Variants in MICU1 observed in about 807,000 individuals in gnomAD.
The protein encoded by MICU1 is mitochondrial calcium uptake 1, also known as calcium uptake protein 1, mitochondrial.
Under a neutral mutation model 56.8 loss-of-function variants are expected in MICU1, and 45 were observed. The observed-to-expected ratio is 0.79, with a 90% CI of 0.62 to 1.02. MICU1 has a LOEUF of 1.02. Ranked by LOEUF, MICU1 falls within the 50% of genes least tolerant of loss-of-function variation. The probability of loss-of-function intolerance (pLI) is 0.00; values close to 1 mark genes in which losing one functional copy is unlikely to be tolerated. For synonymous variants in MICU1, 186 were observed against 195.1 expected, an observed-to-expected ratio of 0.95 and a Z score of 0.39; for missense variants, 504 against 587.1, an observed-to-expected ratio of 0.86 and a Z score of 1.46.
chr10:72,603,185 G>C (rs1272706372), intron 1 of MICU1, among the ~76,000 whole-genome samples: 1 of 151,470 alleles, frequency 6.6e-6, no homozygotes, highest in Non-Finnish European at 1.5e-5. Flanking sequence ...TCAGGAGTTC[G>C]AGACCAGCCT....
chr10:72,403,143 C>T (rs7091303), intron 10 of MICU1, among the ~76,000 whole-genome samples: 10,888 of 151,964 alleles, frequency 0.072, 1,336 homozygotes, highest in African/African-American at 0.25. Context: ...TTTGGGAGGC[C>T]GAGGTGGGTG....
At chr10:72,596,838 A>T (rs1159154670) in intron 1 of MICU1, among the ~76,000 whole-genome samples, 1 of 150,258 alleles carries the variant, frequency 6.7e-6, no homozygotes, top group Non-Finnish European at 1.5e-5. Flanking sequence ...GCGCCACTGC[A>T]CTCCAGCCTG....
At chr10:72,485,629 A>C (rs1486066695) in intron 6 of MICU1, among the ~76,000 whole-genome samples, 2 of 152,046 alleles carry the variant, frequency 1.3e-5, no homozygotes, top group African/African-American at 4.8e-5. Flanking sequence ...CAAATAGTCC[A>C]CTAGAGCAGC....
At chr10:72,611,301 TA>T (rs57100556) in intron 1 of MICU1, among the ~76,000 whole-genome samples, 354 of 135,750 alleles carry the variant, frequency 2.6e-3, no homozygotes, top group Admixed American at 3.5e-3. Context: ...AGACTCCCTT[TA>T]AAAAAAAAAA....
chr10:72,459,453 C>G (rs1346090398), intron 8 of MICU1, among the ~76,000 whole-genome samples: 2 of 152,178 alleles, frequency 1.3e-5, no homozygotes. Flanking sequence ...TGTCTCTTTA[C>G]AACCTTATCT....
At chr10:72,612,903 A>C (rs1170827541) in intron 1 of MICU1, among the ~76,000 whole-genome samples, 1 of 152,174 alleles carries the variant, frequency 6.6e-6, no homozygotes, top group South Asian at 2.1e-4. Context: ...CATACAAAGA[A>C]TAAAAAAGAG....
At chr10:72,448,643 T>C (rs897946232) in intron 8 of MICU1, among the ~76,000 whole-genome samples, 1 of 152,050 alleles carries the variant, frequency 6.6e-6, no homozygotes, top group Non-Finnish European at 1.5e-5. Flanking sequence ...CTCAGAAACA[T>C]GTAGCTTAAG....
At chr10:72,594,528 G>A (rs992541107) in intron 1 of MICU1, among the ~76,000 whole-genome samples, 1 of 151,804 alleles carries the variant, frequency 6.6e-6, no homozygotes, top group Non-Finnish European at 1.5e-5. Flanking sequence ...CAAAGGCAAA[G>A]GCAACAAAAG....
At chr10:72,582,130 T>C (rs1273767691) in intron 1 of MICU1, among the ~76,000 whole-genome samples, 1 of 152,164 alleles carries the variant, frequency 6.6e-6, no homozygotes, top group Non-Finnish European at 1.5e-5. Context: ...GATTTCACCA[T>C]GTTGGTCAGG....
At chr10:72,412,854 G>GGA (rs771495632) in intron 9 of MICU1, among the ~76,000 whole-genome samples, 1 of 77,032 alleles carries the variant, frequency 1.3e-5, no homozygotes, top group East Asian at 4.2e-4. Context: ...TCTGTCTCCA[G>GGA]AAAAAAAAAA....
In MICU1 at chr10:72,477,236, T is replaced by C. The variant is rs1264853847; in HGVS notation, c.673A>G (p.Ile225Val). 9.0e-6 allele frequency: 14 copies of C among 1,547,556 alleles called. No individual in the cohort carries two copies. The highest frequency in any genetic ancestry group is 4.1e-5 in the African/African-American group (3 of 72,848). The part of the protein sequence containing the change: ...VLSTPQRNFE[I>V]AFKMFDLNGD... ...TTCAAATCAAACATCTTGAAGGCAA[T>C]TTCAAAATTTCTCTGAGGAGCTGCA... The change falls in exon 7 of 12, where the codon ATT (isoleucine) becomes GTT (valine). Residue 225 changes from isoleucine to valine, a missense_variant. Ile to Val is a conservative substitution (Grantham distance 29). Transcript: ENST00000361114.
At chr10:72,394,281 A>T (rs1467696181) in intron 10 of MICU1, among the ~76,000 whole-genome samples, 1 of 152,178 alleles carries the variant, frequency 6.6e-6, no homozygotes. Context: ...CTGAGGACTA[A>T]GATGTAGACA....
chr10:72,415,481 A>C (rs1026447527), intron 9 of MICU1, among the ~76,000 whole-genome samples: 5 of 152,190 alleles, frequency 3.3e-5, no homozygotes, highest in African/African-American at 4.8e-5. Context: ...TTCCTATTGC[A>C]AACCCCAGAC....
At chr10:72,373,373 C>T (rs1404865854) in intron 11 of MICU1, among the ~76,000 whole-genome samples, 7 of 152,056 alleles carry the variant, frequency 4.6e-5, no homozygotes, top group African/African-American at 1.4e-4. Flanking sequence ...GATGGGATCT[C>T]GCTATGTTGC....
intron 5 of MICU1, among the ~76,000 whole-genome samples, chr10:72,522,748 C>A (rs572766740): frequency 2.0e-5 from 3 of 152,232 alleles, no homozygotes; most frequent in African/African-American, 7.2e-5. Flanking sequence ...AAGAACAAGT[C>A]ACTGCAAAGA....
intron 6 of MICU1, chr10:72,501,710 C>T (rs950728465): frequency 1.3e-5 from 2 of 152,086 alleles, no homozygotes; most frequent in Non-Finnish European, 2.9e-5. Context: ...GGTGTTTAAA[C>T]GTGTAGGTTG....
intron 10 of MICU1, among the ~76,000 whole-genome samples, chr10:72,390,865 C>G (rs960552779): frequency 2.6e-5 from 4 of 152,254 alleles, no homozygotes; most frequent in African/African-American, 9.6e-5. Context: ...TCTTTCTCCC[C>G]CATTAGACTC....
intron 11 of MICU1, among the ~76,000 whole-genome samples, chr10:72,369,191 T>C (rs1342798280): frequency 6.6e-6 from 1 of 151,674 alleles, no homozygotes; most frequent in Non-Finnish European, 1.5e-5. Flanking sequence ...GGCAGGAAGA[T>C]CGCTTGATTA....
At position 72,397,875 on chromosome 10, in the gene MICU1, G is replaced by A. The variant is rs183349048; in HGVS notation, c.1180+10054C>T. 2.7e-3 allele frequency among the ~76,000 whole-genome samples: 417 copies of A among 152,260 alleles called. 1 individual carries two copies. Among genetic ancestry groups the A allele is most frequent in the Admixed American group, 0.025 (385 of 15,294 alleles). On this transcript the variant is annotated intron_variant, in intron 10 of 11. Coordinates refer to ENST00000361114, the MANE Select transcript of MICU1 (RefSeq NM_001195518.2). Reference sequence around the variant, plus strand: ...CACTGTCAATACTAGACAGATCAATGAGACAGAATGTTAACAAGGATATCC... The same window carrying A: ...CACTGTCAATACTAGACAGATCAATAAGACAGAATGTTAACAAGGATATCC...
Sources: allele counts gnomAD v4.1 joint callset (sites outside exome capture counted in the v4.1 genomes callset), GRCh38; gene constraint gnomAD v4.1.1; transcripts MANE v1.5; gene names NCBI Gene and HGNC (gene_info 2026-07-23, HGNC 2026-07-21).